The following SLC6A6 variants were observed in gnomAD, a reference collection of about 807,000 sequenced individuals.
The protein encoded by SLC6A6 is solute carrier family 6 member 6.
A neutral mutation model predicts 68.8 loss-of-function variants in SLC6A6; 16 were observed. The ratio of observed to expected loss-of-function variants is 0.23; its 90% CI spans 0.16 to 0.35. The LOEUF is 0.35. SLC6A6 is among the 10% of genes least tolerant of loss of function. The pLI is 1.00. For missense variants in SLC6A6, 474 were observed against 802.8 expected, an observed-to-expected ratio of 0.59 and a Z score of 4.95; for synonymous variants, 312 against 315.4, an observed-to-expected ratio of 0.99 and a Z score of 0.12.
At chr3:14,407,280 G>A (rs920409998) in intron 1 of SLC6A6, among the ~76,000 whole-genome samples, 3 of 152,132 alleles carry the variant, frequency 2.0e-5, no homozygotes, top group African/African-American at 4.8e-5. Context: ...GAACTCCTGA[G>A]CTCAAGCGAT....
chr3:14,467,647 G>A (rs1226639505), intron 7 of SLC6A6, among the ~76,000 whole-genome samples: 1 of 152,210 alleles, frequency 6.6e-6, no homozygotes, highest in Non-Finnish European at 1.5e-5. Flanking sequence ...AGGTCGCTGG[G>A]AGGTGGGGTG....
At chr3:14,446,673 TTTGAGAAGGTCAC>T (rs1700128816) in intron 4 of SLC6A6, among the ~76,000 whole-genome samples, 1 of 152,214 alleles carries the variant, frequency 6.6e-6, no homozygotes, top group Non-Finnish European at 1.5e-5. Flanking sequence ...GTTTTGTGAC[TTTGAGAAGGTCAC>T]TTTATACTTC....
At chr3:14,463,326 A>G (rs1700537213) in intron 6 of SLC6A6, among the ~76,000 whole-genome samples, 1 of 152,236 alleles carries the variant, frequency 6.6e-6, no homozygotes, top group Admixed American at 6.5e-5. Flanking sequence ...TAAATGAGTT[A>G]AAACTCACGA....
chr3:14,414,263 A>C (rs1469343861), intron 1 of SLC6A6, among the ~76,000 whole-genome samples: 1 of 151,924 alleles, frequency 6.6e-6, no homozygotes. Flanking sequence ...TTTCCCCAAT[A>C]TTTTTGGCAA....
intron 10 of SLC6A6, among the ~76,000 whole-genome samples, chr3:14,474,555 G>A (rs572012992): frequency 2.6e-5 from 4 of 152,120 alleles, no homozygotes; most frequent in East Asian, 1.9e-4. Context: ...TGCCGGCCCC[G>A]CACCTGGCTT....
intron 14 of SLC6A6, 152 bp from the exon 15 acceptor site, chr3:14,484,715 C>CA: frequency 2.7e-6 from 2 of 738,246 alleles, no homozygotes; most frequent in South Asian, 3.9e-5. Flanking sequence ...CCATTATTTC[C>CA]AAAAAGGACA....
chr3:14,417,843 A>T (rs1317589269), intron 2 of SLC6A6, among the ~76,000 whole-genome samples: 1 of 152,054 alleles, frequency 6.6e-6, no homozygotes, highest in Non-Finnish European at 1.5e-5. Context: ...GTGGATCTTA[A>T]TGGCATTGCA....
At chr3:14,411,767 A>C (rs554015227) in intron 1 of SLC6A6, among the ~76,000 whole-genome samples, 1 of 152,318 alleles carries the variant, frequency 6.6e-6, no homozygotes, top group Admixed American at 6.5e-5. Flanking sequence ...GTCACCATCC[A>C]TCAATCCATC....
At chr3:14,466,437 C>T in intron 6 of SLC6A6, 79 bp from the exon 7 acceptor site, 1 of 1,497,436 alleles carries the variant, frequency 6.7e-7, no homozygotes, top group South Asian at 1.2e-5. Flanking sequence ...GTGCTCCCCT[C>T]TGCCTCTCTG....
intron 2 of SLC6A6, among the ~76,000 whole-genome samples, chr3:14,430,494 C>T (rs1468519354): frequency 1.3e-5 from 2 of 152,122 alleles, no homozygotes; most frequent in African/African-American, 4.8e-5. Flanking sequence ...TGGGAGATGG[C>T]CCCTGCACGT....
chr3:14,472,670 A>G lies in SLC6A6; in HGVS notation c.1209+353A>G, dbSNP rs1371534299. 6.6e-6 allele frequency among the ~76,000 whole-genome samples: 1 copy of G among 152,226 alleles called. No homozygotes were observed. The highest frequency in any genetic ancestry group is 1.5e-5 in the Non-Finnish European group (1 of 68,044). On this transcript the variant is annotated intron_variant, in intron 10 of 14. Coordinates refer to ENST00000622186, the MANE Select transcript of SLC6A6 (RefSeq NM_003043.6). The surrounding 1 kb of genome is among the most constrained non-coding windows in gnomAD (Gnocchi z 4.5). ...AGCCACAAATGACGAATTGGAGGTCATGACTCAATAAGTCATGATGTGCTC... is the reference window on the plus strand; with the variant it reads ...AGCCACAAATGACGAATTGGAGGTCGTGACTCAATAAGTCATGATGTGCTC...
intron 9 of SLC6A6, among the ~76,000 whole-genome samples, chr3:14,470,088 G>A (rs890942414): frequency 5.9e-5 from 9 of 152,260 alleles, no homozygotes; most frequent in African/African-American, 1.7e-4. Context: ...CAAACCAATC[G>A]CAATTGAGTG....
rs768235392 is a variant in SLC6A6, at chr3:14,477,360, C to T, written c.1347+18C>T. The T allele has an allele frequency of 1.9e-6, 3 of 1,612,766 alleles. No homozygotes were observed. The East Asian group carries it at 6.7e-5, about 36-fold the overall frequency. On this transcript the variant is annotated intron_variant, in intron 11 of 14. Transcript: ENST00000622186. This position sits in a 1 kb window ranked among gnomAD's most constrained non-coding sequence, Gnocchi z 4.2. ...TGACGGAGGTAGGTGGCTCTCTCAG[C>T]TGTGTTTCAGGCTTGGTGCTCCAGT...
chr3:14,467,627 C>A (rs1700650335), intron 7 of SLC6A6, among the ~76,000 whole-genome samples: 1 of 152,184 alleles, frequency 6.6e-6, no homozygotes, highest in East Asian at 1.9e-4. Flanking sequence ...ATCCTCTTAA[C>A]CCTGATGCTA....
At chr3:14,406,121 C>T (rs1042809269) in intron 1 of SLC6A6, among the ~76,000 whole-genome samples, 3 of 152,126 alleles carry the variant, frequency 2.0e-5, no homozygotes, top group Non-Finnish European at 2.9e-5. Context: ...ACAGGTTCCC[C>T]GGGTCCTAGC....
chr3:14,433,080 G>A (rs1641419042), intron 2 of SLC6A6, among the ~76,000 whole-genome samples: 13 of 8,320 alleles, frequency 1.6e-3, no homozygotes, highest in Admixed American at 0.011. Flanking sequence ...TTCTCTAGTC[G>A]TTAGTGCTGT....
intron 6 of SLC6A6, among the ~76,000 whole-genome samples, chr3:14,465,964 A>C (rs1700606401): frequency 6.6e-6 from 1 of 152,200 alleles, no homozygotes; most frequent in Admixed American, 6.5e-5. Context: ...ATTTAATCTC[A>C]GTAAATCTGT....
intron 5 of SLC6A6, among the ~76,000 whole-genome samples, chr3:14,449,038 G>T (rs528623754): frequency 3.9e-5 from 6 of 152,342 alleles, no homozygotes; most frequent in African/African-American, 1.4e-4. Context: ...TTTGTGTGTG[G>T]TTTTGCCATT....
At position 14,479,191 on chromosome 3, in the gene SLC6A6, T is replaced by C; in HGVS notation, c.1551+6T>C. On this transcript the variant is annotated splice_donor_region_variant and intron_variant, in intron 13 of 14. Coordinates refer to ENST00000622186, the MANE Select transcript of SLC6A6 (RefSeq NM_003043.6). ...TCACTCCAGTTCTCTGTGTTGTGAGTTCCATTTCTGTGGCTCTGGCTGGTG... is the reference window on the plus strand; with the variant it reads ...TCACTCCAGTTCTCTGTGTTGTGAGCTCCATTTCTGTGGCTCTGGCTGGTG... The C allele has an allele frequency of 6.3e-7, 1 of 1,585,854 alleles. No individual in the cohort carries two copies. The highest frequency in any genetic ancestry group is 8.7e-7 in the Non-Finnish European group (1 of 1,154,252).
Sources: allele counts gnomAD v4.1 joint callset (sites outside exome capture counted in the v4.1 genomes callset), GRCh38; gene constraint gnomAD v4.1.1; non-coding constraint Gnocchi (gnomAD v3.1); transcripts MANE v1.5; gene names NCBI Gene and HGNC (gene_info 2026-07-23, HGNC 2026-07-21).